Variants in MYO6 observed in about 807,000 individuals in gnomAD.
MYO6 encodes the protein unconventional myosin-VI.
In MYO6, 74 loss-of-function variants were observed where a neutral mutation model predicts 178.7. The observed-to-expected ratio is 0.41, with a 90% CI of 0.34 to 0.50. MYO6 has a LOEUF of 0.50. Among genes scored for constraint, MYO6 ranks in the 20% least tolerant of loss-of-function variants. The pLI, the probability that MYO6 is intolerant of heterozygous loss-of-function variation, is 0.09. For missense variants in MYO6, 1,330 were observed against 1,547.4 expected, an observed-to-expected ratio of 0.86 and a Z score of 2.36; for synonymous variants, 477 against 504.6, an observed-to-expected ratio of 0.95 and a Z score of 0.73.
Position 75,848,462 on chromosome 6 carries a change from C to T in MYO6, c.1009C>T (p.Leu337Phe). ...TTTGGATGATGAAGAAAAGCTTGAT[C>T]TCTTCCGGGTAGTAGCTGGCGTCCT... ...IGLDDEEKLD[L>F]FRVVAGVLHL... Residue 337 changes from leucine to phenylalanine, a missense_variant, in exon 11 of 35, where the codon CTC (leucine) becomes TTC (phenylalanine). Leu to Phe is a conservative substitution (Grantham distance 22). This residue lies in a region of MYO6 where 613 missense variants were observed against 816.8 expected (regional missense o/e 0.75). Coordinates refer to ENST00000369977, the MANE Select transcript of MYO6 (RefSeq NM_004999.4). 1 of 1,613,922 alleles carries T rather than the reference C, an allele frequency of 6.2e-7. No individual in the cohort carries two copies. Among genetic ancestry groups the T allele is most frequent in the South Asian group, 1.1e-5 (1 of 91,076 alleles).
intron 19 of MYO6, among the ~76,000 whole-genome samples, chr6:75,871,857 G>T (rs1295271003): frequency 6.6e-6 from 1 of 152,098 alleles, no homozygotes; most frequent in Non-Finnish European, 1.5e-5. Flanking sequence ...GGGTGCCATG[G>T]CTTATGCTTG....
At chr6:75,903,674 T>C (rs1462735043) in intron 30 of MYO6, among the ~76,000 whole-genome samples, 1 of 151,924 alleles carries the variant, frequency 6.6e-6, no homozygotes, top group African/African-American at 2.4e-5. Flanking sequence ...GTCTTGACTC[T>C]TTATCCAGTT....
intron 30 of MYO6, among the ~76,000 whole-genome samples, chr6:75,903,904 C>T (rs951463433): frequency 6.6e-6 from 1 of 151,184 alleles, no homozygotes; most frequent in Admixed American, 6.6e-5. Context: ...CCTTCAGGAG[C>T]TCTTTTAGGG....
At chr6:75,855,432 T>C in intron 12 of MYO6, 149 bp downstream of exon 12, 2 of 790,548 alleles carry the variant, frequency 2.5e-6, no homozygotes, top group African/African-American at 3.5e-5. Flanking sequence ...ATAAATGGAG[T>C]TTAACATAGC....
At position 75,855,188 on chromosome 6, in the gene MYO6, T is replaced by C. The variant is rs1583282758; in HGVS notation, c.1128T>C (p.Ala376=). Residue 376 remains alanine (A), a synonymous_variant, in exon 12 of 35, where the codon GCT becomes GCC. Coordinates refer to ENST00000369977, the MANE Select transcript of MYO6 (RefSeq NM_004999.4). ...CTGCTCAGTCTTTGGAATATTGTGC[T>C]GAATTACTGGGTTTGGACCAAGATG... ...NKSAQSLEYC[A]ELLGLDQDDL... 6.2e-7 allele frequency: 1 copy of C among 1,613,082 alleles called. No homozygotes were observed. The highest frequency in any genetic ancestry group is 1.7e-5 in the Admixed American group (1 of 59,952).
intron 1 of MYO6, among the ~76,000 whole-genome samples, chr6:75,811,864 G>A (rs1022107832): frequency 2.0e-5 from 3 of 152,254 alleles, no homozygotes; most frequent in Non-Finnish European, 1.5e-5. Context: ...TCAGTTTTAT[G>A]TCACTTAATC....
intron 23 of MYO6, among the ~76,000 whole-genome samples, chr6:75,882,020 A>G (rs1470474894): frequency 1.3e-5 from 2 of 152,224 alleles, no homozygotes; most frequent in East Asian, 1.9e-4. Flanking sequence ...CAAATGTGTT[A>G]TAAGAGTGTC....
intron 30 of MYO6, among the ~76,000 whole-genome samples, chr6:75,899,069 C>T (rs1183341452): frequency 6.6e-6 from 1 of 151,992 alleles, no homozygotes; most frequent in African/African-American, 2.4e-5. Context: ...AGCAAATTAC[C>T]CCTTTACTAT....
chr6:75,841,122 G>GC, intron 8 of MYO6, 92 bp from the exon 9 acceptor site: 1 of 1,225,174 alleles, frequency 8.2e-7, no homozygotes, highest in Non-Finnish European at 1.2e-6. Flanking sequence ...ATAGACAAAT[G>GC]GTATTAGAAA....
In MYO6 at chr6:75,836,040, A is replaced by G. The variant is rs542921882; in HGVS notation, c.553+84A>G. On this transcript the variant is annotated intron_variant, in intron 7 of 34. Transcript: ENST00000369977. ...TAGTGGTCTGGAATGTTCTTCTCTCAGAGATGCAAAAGACTCTCTTATCTC... is the reference window on the plus strand; with the variant it reads ...TAGTGGTCTGGAATGTTCTTCTCTCGGAGATGCAAAAGACTCTCTTATCTC... The G allele has an allele frequency of 2.4e-5, 22 of 920,774 alleles. No homozygotes were observed. In the African/African-American group the frequency reaches 3.4e-4, roughly 14 times the overall value. 57.0% of individuals were successfully genotyped at this position (920,774 alleles called of 1,614,324 possible). A position where few individuals can be genotyped will look rare whatever the true frequency, so the allele number is the denominator to read the frequency against.
chr6:75,879,793 G>A (rs951131753), intron 20 of MYO6, 27 bp from the exon 21 acceptor site: 3 of 1,613,980 alleles, frequency 1.9e-6, no homozygotes, highest in Non-Finnish European at 2.5e-6. Context: ...GTGATTGACA[G>A]TGCTTTGTGC....
At chr6:75,798,019 C>A (rs1016502891) in intron 1 of MYO6, among the ~76,000 whole-genome samples, 14 of 152,108 alleles carry the variant, frequency 9.2e-5, no homozygotes, top group Non-Finnish European at 1.9e-4. Flanking sequence ...GTTTTTGTTG[C>A]AGTTGCTTTT....
intron 1 of MYO6, among the ~76,000 whole-genome samples, chr6:75,775,384 C>T (rs1217712396): frequency 6.6e-6 from 1 of 152,174 alleles, no homozygotes; most frequent in Non-Finnish European, 1.5e-5. Flanking sequence ...TGGCTTCTGG[C>T]ACTGGGGGGT....
At chr6:75,836,734 C>G (rs916528375) in intron 7 of MYO6, among the ~76,000 whole-genome samples, 2 of 152,058 alleles carry the variant, frequency 1.3e-5, no homozygotes, top group Middle Eastern at 3.4e-3. Flanking sequence ...AGGCGCCCAC[C>G]ACCACATCTG....
chr6:75,912,462 G>A (rs1780830660), intron 33 of MYO6, among the ~76,000 whole-genome samples: 10 of 152,024 alleles, frequency 6.6e-5, no homozygotes, highest in Admixed American at 6.6e-4. Context: ...TTCCAGATAA[G>A]TATTCGTTTC....
At chr6:75,820,403 A>C (rs1166220959) in intron 2 of MYO6, among the ~76,000 whole-genome samples, 2 of 151,796 alleles carry the variant, frequency 1.3e-5, no homozygotes. Flanking sequence ...GAGTTTTGCT[A>C]TTGTCGCCCA....
Position 75,918,646 on chromosome 6 carries a change from C to G in MYO6, c.*3634C>G, listed in dbSNP as rs1781259410. The G allele has an allele frequency of 6.6e-6, 1 of 152,226 alleles. No individual in the cohort carries two copies. Among genetic ancestry groups the G allele is most frequent in the Admixed American group, 6.5e-5 (1 of 15,282 alleles). The allele number at this position is 152,226 out of a possible 1,614,324, so 9.4% of individuals were successfully genotyped here. On this transcript the variant is annotated 3_prime_UTR_variant, in exon 35 of 35. Coordinates refer to ENST00000369977, the MANE Select transcript of MYO6 (RefSeq NM_004999.4). Reference sequence around the variant, plus strand: ...GAGAGACTGGCAGAAGTAGCACCTACTCTGCTGGGAGCACTTCTCTGAGTA... The same window carrying G: ...GAGAGACTGGCAGAAGTAGCACCTAGTCTGCTGGGAGCACTTCTCTGAGTA...
intron 1 of MYO6, among the ~76,000 whole-genome samples, chr6:75,772,328 A>G (rs1487413935): frequency 6.6e-6 from 1 of 152,068 alleles, no homozygotes; most frequent in Non-Finnish European, 1.5e-5. Context: ...CTCATACACT[A>G]TCCCCCACCC....
chr6:75,858,072 ATT>A (rs1491068058), intron 13 of MYO6, among the ~76,000 whole-genome samples: 3 of 148,418 alleles, frequency 2.0e-5, no homozygotes, highest in African/African-American at 7.3e-5. Context: ...TATTATTATT[ATT>A]AATTTTTTTT....
Sources: allele counts gnomAD v4.1 joint callset (sites outside exome capture counted in the v4.1 genomes callset), GRCh38; gene constraint gnomAD v4.1.1; regional missense constraint gnomAD v4.1.1; transcripts MANE v1.5; gene names NCBI Gene and HGNC (gene_info 2026-07-23, HGNC 2026-07-21).